The following SLC41A3 variants were observed in gnomAD, a reference collection of about 807,000 sequenced individuals.
The protein encoded by SLC41A3 is solute carrier family 41 member 3.
A neutral mutation model predicts 45.4 loss-of-function variants in SLC41A3; 44 were observed. That is an observed-to-expected ratio of 0.97 (90% CI 0.76 to 1.25). SLC41A3 has a LOEUF of 1.25. SLC41A3 is among the 50% of genes most tolerant of loss of function. The probability of loss-of-function intolerance (pLI) is 0.00; values close to 1 mark genes in which losing one functional copy is unlikely to be tolerated. For synonymous variants in SLC41A3, 256 were observed against 252.4 expected (o/e 1.01, Z -0.13); for missense variants, 550 against 600.6 (o/e 0.92, Z 0.88).
chr3:126,059,390 C>G (rs1200850248), intron 2 of SLC41A3, among the ~76,000 whole-genome samples: 2 of 151,810 alleles, frequency 1.3e-5, no homozygotes, highest in African/African-American at 4.8e-5. Context: ...CACACGCAAA[C>G]AGTCACTGCA....
intron 1 of SLC41A3, among the ~76,000 whole-genome samples, chr3:126,077,170 G>C (rs918182970): frequency 6.6e-6 from 1 of 152,120 alleles, no homozygotes; most frequent in Non-Finnish European, 1.5e-5. Flanking sequence ...TTGAGGCTAG[G>C]AGTTTGAGAC....
intron 1 of SLC41A3, among the ~76,000 whole-genome samples, chr3:126,077,824 G>A (rs79456132): frequency 0.011 from 1,686 of 152,300 alleles, 31 homozygotes; most frequent in African/African-American, 0.037. Flanking sequence ...CCTTCTCAGG[G>A]GCCTGAATGG....
intron 1 of SLC41A3, among the ~76,000 whole-genome samples, chr3:126,080,962 A>AG: frequency 6.6e-6 from 1 of 152,034 alleles, no homozygotes; most frequent in Non-Finnish European, 1.5e-5. Context: ...GAAAAAAAAA[A>AG]ACAAACTAAA....
rs757835010 is a variant in SLC41A3 at position 126,017,319 on chromosome 3, C to T, written c.746-444G>A. Among the ~76,000 whole-genome samples, 48 of 152,332 alleles carry T rather than the reference C, an allele frequency of 3.2e-4. No homozygotes were observed. In the Middle Eastern group the frequency reaches 0.01, roughly 32 times the overall value. ...GTGCAAAAAAGGGTGGCTGCCTAGA[C>T]AGCAAGCAGCCCCGTCAGGGCTATG... is the stretch of plus-strand genomic sequence containing the variant. On this transcript the variant is annotated intron_variant, in intron 6 of 10. Coordinates refer to ENST00000360370, the MANE Select transcript of SLC41A3 (RefSeq NM_017836.4).
At position 126,012,501 on chromosome 3, in the gene SLC41A3, G is replaced by A. The variant is rs532049796; in HGVS notation, c.1105+114C>T. Reference sequence around the variant, plus strand: ...TGGGGCCCTGAAGGTGATGTGTGCCGAGATCAGCCCTGGCTTCAGGCATCC... The same window carrying A: ...TGGGGCCCTGAAGGTGATGTGTGCCAAGATCAGCCCTGGCTTCAGGCATCC... On this transcript the variant is annotated intron_variant, in intron 9 of 10. Transcript: ENST00000360370. 9.8e-4 allele frequency: 1,368 copies of A among 1,394,990 alleles called. 1 individual carries two copies. Among genetic ancestry groups the A allele is most frequent in the Non-Finnish European group, 1.2e-3 (1,255 of 1,010,616 alleles). 86.4% of individuals were successfully genotyped at this position (1,394,990 alleles called of 1,614,324 possible).
intron 3 of SLC41A3, among the ~76,000 whole-genome samples, chr3:126,035,195 C>T (rs531810776): frequency 5.9e-5 from 9 of 152,322 alleles, no homozygotes; most frequent in African/African-American, 1.9e-4. Flanking sequence ...CTGGAGTGGA[C>T]TGAAGGTGGC....
intron 1 of SLC41A3, among the ~76,000 whole-genome samples, chr3:126,079,891 G>A (rs933084841): frequency 1.3e-5 from 2 of 152,162 alleles, no homozygotes; most frequent in African/African-American, 4.8e-5. Flanking sequence ...CCAATGGACA[G>A]AAGAGAGAAC....
chr3:126,045,822 A>G (rs1461465083), intron 3 of SLC41A3, among the ~76,000 whole-genome samples: 2 of 152,068 alleles, frequency 1.3e-5, no homozygotes, highest in African/African-American at 4.8e-5. Context: ...GAAAAACTAC[A>G]GACCAATATC....
At chr3:126,077,401 T>C (rs1355034885) in intron 1 of SLC41A3, among the ~76,000 whole-genome samples, 1 of 151,960 alleles carries the variant, frequency 6.6e-6, no homozygotes, top group Non-Finnish European at 1.5e-5. Flanking sequence ...AATAAATAAA[T>C]AAAATAACAC....
At chr3:126,014,621 T>C (rs1471478422) in intron 8 of SLC41A3, among the ~76,000 whole-genome samples, 2 of 152,226 alleles carry the variant, frequency 1.3e-5, no homozygotes, top group Middle Eastern at 3.2e-3. Context: ...GAGGACACGC[T>C]GGGTGGCCCA....
chr3:126,077,975 G>C (rs1944959227), intron 1 of SLC41A3, among the ~76,000 whole-genome samples: 3 of 152,212 alleles, frequency 2.0e-5, no homozygotes, highest in Admixed American at 6.5e-5. Context: ...GAGAACCTGG[G>C]CCCAGGCGGC....
chr3:126,014,369 C>CCTACACTCTCCCGAGGCAA (rs1176359109), intron 8 of SLC41A3, among the ~76,000 whole-genome samples: 1 of 152,080 alleles, frequency 6.6e-6, no homozygotes, highest in Non-Finnish European at 1.5e-5. Flanking sequence ...CAAGTCTGGA[C>CCTACACTCTCCCGAGGCAA]CTACACTCTC....
At chr3:126,060,584 T>C (rs1326870762) in intron 2 of SLC41A3, among the ~76,000 whole-genome samples, 4 of 152,254 alleles carry the variant, frequency 2.6e-5, no homozygotes, top group Admixed American at 6.5e-5. Context: ...TGTGACTATT[T>C]GCTTTTATAA....
chr3:126,056,567 C>CCA, intron 2 of SLC41A3: 1 of 1,610,900 alleles, frequency 6.2e-7, no homozygotes, highest in Non-Finnish European at 8.5e-7. Context: ...AGGCAATGCA[C>CCA]CACGATCCCA....
intron 2 of SLC41A3, chr3:126,056,706 C>A: frequency 6.9e-7 from 1 of 1,439,830 alleles, no homozygotes; most frequent in Non-Finnish European, 9.1e-7. Context: ...GCAGAGAGTT[C>A]CCCAACAGCC....
At chr3:126,076,649 G>C (rs1033671996) in intron 1 of SLC41A3, among the ~76,000 whole-genome samples, 3 of 152,158 alleles carry the variant, frequency 2.0e-5, no homozygotes, top group Non-Finnish European at 4.4e-5. Flanking sequence ...AGCATGACCA[G>C]CCTCTCCACT....
chr3:126,090,094 TTC>T (rs1347141167), intron 1 of SLC41A3, among the ~76,000 whole-genome samples: 1 of 151,636 alleles, frequency 6.6e-6, no homozygotes. Flanking sequence ...AAATGTACCT[TTC>T]TCTCTAAGTT....
At chr3:126,092,584 C>T (rs1945510305) in intron 1 of SLC41A3, 1 of 152,938 alleles carries the variant, frequency 6.5e-6, no homozygotes, top group Non-Finnish European at 1.5e-5. Context: ...GTTAGAGTCT[C>T]CCCGACTGAG....
At chr3:126,043,821 CA>C (rs1413035996) in intron 3 of SLC41A3, among the ~76,000 whole-genome samples, 1 of 74,804 alleles carries the variant, frequency 1.3e-5, no homozygotes, top group African/African-American at 3.6e-5. Context: ...AACAAAAAAA[CA>C]AAAAAACAAA....
Sources: allele counts gnomAD v4.1 joint callset (sites outside exome capture counted in the v4.1 genomes callset), GRCh38; gene constraint gnomAD v4.1.1; transcripts MANE v1.5; gene names NCBI Gene and HGNC (gene_info 2026-07-23, HGNC 2026-07-21).